GIP: variants seen among roughly 807,000 people sequenced by gnomAD.
The protein encoded by GIP is gastric inhibitory polypeptide, also known as glucose-dependent insulinotropic polypeptide.
GIP carries 16 observed loss-of-function variants against 18.1 expected under a neutral mutation model. The observed-to-expected ratio is 0.88, with a 90% CI of 0.60 to 1.34. GIP has a LOEUF of 1.34. Ranked by LOEUF, GIP falls within the 40% of genes most tolerant of loss-of-function variation. GIP has a pLI of 0.00. For synonymous variants in GIP, 76 were observed against 74.0 expected, an observed-to-expected ratio of 1.03 and a Z score of -0.14; for missense variants, 192 against 183.4, an observed-to-expected ratio of 1.05 and a Z score of -0.27.
At chr17:48,961,576 T>C (rs2143846609) in intron 4 of GIP, 151 bp downstream of exon 4, 1 of 611,102 alleles carries the variant, frequency 1.6e-6, no homozygotes, top group Non-Finnish European at 2.9e-6. Flanking sequence ...CTCCAGGAGT[T>C]TGCTCAATGA....
chr17:48,968,512 C>T lies in GIP; in HGVS notation c.-22+5G>A, dbSNP rs1232098617. On this transcript the variant is annotated splice_donor_5th_base_variant and intron_variant, in intron 1 of 5. Transcript: ENST00000357424. ...CTCATCCATCCCTGTCTCCACTTCT[C>T]TTACCAGACTTCCTTTCCAGCTCTT... The T allele has an allele frequency of 2.6e-5, 4 of 152,218 alleles. No homozygotes were observed. The highest frequency in any genetic ancestry group is 4.4e-5 in the Non-Finnish European group (3 of 68,064). The allele number at this position is 152,218 out of a possible 1,614,324, so 9.4% of individuals were successfully genotyped here.
At position 48,960,963 on chromosome 17, in the gene GIP, A is replaced by G; in HGVS notation, c.375T>C (p.Asp125=). The change falls in exon 5 of 6, where the codon GAT becomes GAC. Residue 125 remains aspartate (D), a synonymous_variant. Transcript: ENST00000357424. ...TCAGCAAGTCCCGCAGCAAATCTTC[A>G]TCGCTGGGGTTCTTGGCTGGGGAGC... The part of the protein sequence containing the change: ...PQSSPAKNPS[D]EDLLRDLLIQ... 1 of 1,609,290 alleles carries G rather than the reference A, an allele frequency of 6.2e-7. No homozygotes were observed. The highest frequency in any genetic ancestry group is 8.5e-7 in the Non-Finnish European group (1 of 1,178,018).
intron 5 of GIP, 107 bp from the exon 6 acceptor site, chr17:48,958,823 A>G: frequency 1.4e-6 from 1 of 689,660 alleles, no homozygotes; most frequent in Non-Finnish European, 2.4e-6. Context: ...CCTTCAAATC[A>G]CCTTTTTAAA....
chr17:48,964,934 T>C (rs908980297), intron 2 of GIP, among the ~76,000 whole-genome samples: 5 of 149,632 alleles, frequency 3.3e-5, no homozygotes, highest in African/African-American at 1.2e-4. Flanking sequence ...GGTCAGGAGA[T>C]CGAGACCATC....
intron 2 of GIP, among the ~76,000 whole-genome samples, chr17:48,965,604 CAAA>C (rs33918974): frequency 7.1e-5 from 6 of 84,218 alleles, no homozygotes; most frequent in Non-Finnish European, 1.1e-4. Context: ...GACTCCATCT[CAAA>C]AAAAAAAAAA....
chr17:48,968,324 G>A (rs986501913), intron 1 of GIP, among the ~76,000 whole-genome samples, 193 bp downstream of exon 1: 1 of 151,958 alleles, frequency 6.6e-6, no homozygotes, highest in African/African-American at 2.4e-5. Flanking sequence ...GAACTCCTGT[G>A]CTCAAATGAT....
chr17:48,965,018 A>C (rs529243955), intron 2 of GIP, among the ~76,000 whole-genome samples: 3 of 151,810 alleles, frequency 2.0e-5, no homozygotes, highest in Non-Finnish European at 2.9e-5. Context: ...GGGCGCCTGT[A>C]GCCCCGGCTA....
Position 48,963,838 on chromosome 17 carries a change from T to C in GIP, c.257+472A>G, listed in dbSNP as rs1173614582. On this transcript the variant is annotated intron_variant, in intron 3 of 5. Transcript: ENST00000357424. ...CCTGGGCAACAAGAGCAAAACTCTG[T>C]CTCAAAAAAAAAAAAAAAAAAAAAA... Among the ~76,000 whole-genome samples, 68 of 12,160 alleles carry C rather than the reference T, an allele frequency of 5.6e-3. No individual in the cohort carries two copies. The African/African-American group carries it at 0.063, about 11-fold the overall frequency. 8.0% of individuals were successfully genotyped at this position (12,160 alleles called of 152,430 possible). A position where few individuals can be genotyped will look rare whatever the true frequency, so the allele number is the denominator to read the frequency against.
intron 2 of GIP, among the ~76,000 whole-genome samples, chr17:48,965,359 C>A (rs2041230249): frequency 6.7e-6 from 1 of 149,896 alleles, no homozygotes; most frequent in Non-Finnish European, 1.5e-5. Context: ...AATCCCAGCA[C>A]TCTGGGAGGC....
intron 3 of GIP, among the ~76,000 whole-genome samples, chr17:48,962,392 C>T (rs758023481): frequency 2.0e-5 from 3 of 150,532 alleles, no homozygotes; most frequent in Admixed American, 1.3e-4. Flanking sequence ...TTCTTTGAGA[C>T]GGAGTCTCGC....
intron 2 of GIP, among the ~76,000 whole-genome samples, chr17:48,965,387 A>G (rs1318187506): frequency 2.0e-5 from 3 of 149,782 alleles, no homozygotes; most frequent in Admixed American, 6.7e-5. Context: ...GGTGGATCAC[A>G]AAGTCAGGAG....
At chr17:48,959,514 T>G (rs1401029100) in intron 5 of GIP, among the ~76,000 whole-genome samples, 2 of 152,138 alleles carry the variant, frequency 1.3e-5, no homozygotes, top group African/African-American at 4.8e-5. Flanking sequence ...ATCATGAGGG[T>G]CCTGTCTCAC....
At chr17:48,959,572 G>A (rs1002664499) in intron 5 of GIP, among the ~76,000 whole-genome samples, 1 of 152,120 alleles carries the variant, frequency 6.6e-6, no homozygotes, top group African/African-American at 2.4e-5. Flanking sequence ...CTCGATTCTG[G>A]GACATAAGGA....
Position 48,964,351 on chromosome 17 carries a change from G to A in GIP, c.216C>T (p.Asp72=). The change falls in exon 3 of 6, where the codon GAC becomes GAT. Residue 72 remains aspartate (D), a synonymous_variant. Transcript: ENST00000357424. Reference sequence around the variant, plus strand: ...TTTGGGCCAGCAGCCAGTTCACAAAGTCTTGTTGGTGAATCTTGTCCATGG... The same window carrying A: ...TTTGGGCCAGCAGCCAGTTCACAAAATCTTGTTGGTGAATCTTGTCCATGG... ...SIAMDKIHQQ[D]FVNWLLAQKG... The A allele has an allele frequency of 6.2e-7, 1 of 1,613,778 alleles. No homozygotes were observed. The highest frequency in any genetic ancestry group is 8.5e-7 in the Non-Finnish European group (1 of 1,179,764).
chr17:48,964,173 AAAAAGAAAAG>A (rs2041219620), intron 3 of GIP, 127 bp downstream of exon 3: 1 of 593,838 alleles, frequency 1.7e-6, no homozygotes, highest in Non-Finnish European at 2.9e-6. Flanking sequence ...AAAAAAAAAA[AAAAAGAAAAG>A]AAAAAGAAAG....
At chr17:48,965,687 C>T (rs952298593) in intron 2 of GIP, among the ~76,000 whole-genome samples, 10 of 151,504 alleles carry the variant, frequency 6.6e-5, no homozygotes, top group African/African-American at 2.4e-4. Context: ...TTCCTCCTGC[C>T]CTGGCCCTTC....
chr17:48,966,223 C>A (rs531586068), intron 2 of GIP, among the ~76,000 whole-genome samples: 47 of 147,584 alleles, frequency 3.2e-4, no homozygotes, highest in Middle Eastern at 7.1e-3. Context: ...CGCCAGTGCA[C>A]TCCAGCCTGG....
In GIP at chr17:48,960,945, G is replaced by A; in HGVS notation, c.393C>T (p.Asp131=). The change falls in exon 5 of 6, where the codon GAC becomes GAT. Residue 131 remains aspartate, a synonymous_variant. Coordinates refer to ENST00000357424, the MANE Select transcript of GIP (RefSeq NM_004123.3). ...AGGCCAACAGCTCTTGAATCAGCAA[G>A]TCCCGCAGCAAATCTTCATCGCTGG... ...KNPSDEDLLR[D]LLIQELLACL... is the part of the protein sequence containing the mutation. 6.2e-7 allele frequency: 1 copy of A among 1,610,016 alleles called. No homozygotes were observed. The highest frequency in any genetic ancestry group is 8.5e-7 in the Non-Finnish European group (1 of 1,178,448).
In GIP at chr17:48,958,617, G is replaced by T; in HGVS notation, c.*90C>A. The stretch of plus-strand genomic sequence containing the variant: ...GGCTCGACTTAGCATAAACTTTATT[G>T]GTTTGGGTTCTCTTGGCTATTCTGG... On this transcript the variant is annotated 3_prime_UTR_variant, in exon 6 of 6. Coordinates refer to ENST00000357424, the MANE Select transcript of GIP (RefSeq NM_004123.3). The T allele has an allele frequency of 9.8e-7, 1 of 1,021,320 alleles. No individual in the cohort carries two copies. The highest frequency in any genetic ancestry group is 1.4e-5 in the South Asian group (1 of 72,752). The allele number at this position is 1,021,320 out of a possible 1,614,324, so 63.3% of individuals were successfully genotyped here. A position where few individuals can be genotyped will look rare whatever the true frequency, so the allele number is the denominator to read the frequency against.
Sources: allele counts gnomAD v4.1 joint callset (sites outside exome capture counted in the v4.1 genomes callset), GRCh38; gene constraint gnomAD v4.1.1; transcripts MANE v1.5; gene names NCBI Gene and HGNC (gene_info 2026-07-23, HGNC 2026-07-21).